Variants in RNF10 observed in about 807,000 individuals in gnomAD.
The protein encoded by RNF10 is E3 ubiquitin-protein ligase RNF10.
In RNF10, 38 loss-of-function variants were observed where a neutral mutation model predicts 91.4. That is an observed-to-expected ratio of 0.42 (90% CI 0.32 to 0.54). The LOEUF (loss-of-function observed/expected upper bound fraction) is 0.54. RNF10 is among the 20% of genes least tolerant of loss of function. The probability of loss-of-function intolerance (pLI) is 0.16; values close to 1 mark genes in which losing one functional copy is unlikely to be tolerated. For missense variants in RNF10, 945 were observed against 1,012.0 expected, an observed-to-expected ratio of 0.93 and a Z score of 0.90; for synonymous variants, 364 against 366.3, an observed-to-expected ratio of 0.99 and a Z score of 0.07.
At chr12:120,561,323 C>T (rs534835196) in intron 7 of RNF10, among the ~76,000 whole-genome samples, 21 of 152,244 alleles carry the variant, frequency 1.4e-4, no homozygotes, top group South Asian at 4.1e-4. Flanking sequence ...GTACCTGAAA[C>T]GGCAAGAATT....
chr12:120,537,836 T>G (rs1391005710), intron 1 of RNF10, among the ~76,000 whole-genome samples: 1 of 152,160 alleles, frequency 6.6e-6, no homozygotes, highest in East Asian at 1.9e-4. Flanking sequence ...AATCCACTGC[T>G]TGCATTTAGG....
intron 7 of RNF10, among the ~76,000 whole-genome samples, chr12:120,562,645 A>G (rs539790463): frequency 1.3e-5 from 2 of 152,080 alleles, no homozygotes; most frequent in Non-Finnish European, 2.9e-5. Flanking sequence ...GCTGGGTGAA[A>G]TTTTATTTCT....
rs750877950 is a variant in RNF10 at position 120,560,762 on chromosome 12, C to T, written c.1004C>T (p.Ala335Val). Residue 335 changes from alanine (A) to valine (V), a missense_variant, in exon 7 of 17, where the codon GCC (alanine) becomes GTC (valine). Physicochemically the swap from Ala to Val is moderately conservative, Grantham distance 64. Transcript: ENST00000325954. ...AGCCAGTACTCCAAGTTGCTGCTGGCCTCTAAGGAGCAGGTGCTGCACCGG... is the reference window on the plus strand; with the variant it reads ...AGCCAGTACTCCAAGTTGCTGCTGGTCTCTAAGGAGCAGGTGCTGCACCGG... ...QHSQYSKLLL[A>V]SKEQVLHRVV... 1.2e-6 allele frequency: 2 copies of T among 1,613,950 alleles called. No individual in the cohort carries two copies. The highest frequency in any genetic ancestry group is 1.7e-6 in the Non-Finnish European group (2 of 1,179,976).
chr12:120,541,892 A>C (rs1368291326), intron 1 of RNF10, among the ~76,000 whole-genome samples: 2 of 149,092 alleles, frequency 1.3e-5, no homozygotes, highest in African/African-American at 2.5e-5. Flanking sequence ...TTTGAGATGG[A>C]GTCTCACTGT....
intron 2 of RNF10, 50 bp from the exon 3 acceptor site, chr12:120,552,449 A>T: frequency 6.6e-7 from 1 of 1,510,372 alleles, no homozygotes; most frequent in Admixed American, 1.9e-5. Flanking sequence ...TTCTGCTATA[A>T]ATCAGTGTCA....
intron 4 of RNF10, among the ~76,000 whole-genome samples, 191 bp from the exon 5 acceptor site, chr12:120,557,085 CAAAAAA>C (rs36018229): frequency 9.0e-6 from 1 of 111,370 alleles, no homozygotes; most frequent in Non-Finnish European, 1.8e-5. Context: ...TGGACCGTCT[CAAAAAA>C]AAAAAAAAAA....
intron 13 of RNF10, among the ~76,000 whole-genome samples, chr12:120,567,619 T>C (rs1167597363): frequency 6.6e-6 from 1 of 151,446 alleles, no homozygotes; most frequent in Non-Finnish European, 1.5e-5. Flanking sequence ...CAGAATTGCT[T>C]GAACCTGGGA....
chr12:120,544,344 A>AC (rs1187403921), intron 1 of RNF10, among the ~76,000 whole-genome samples: 2 of 120,640 alleles, frequency 1.7e-5, no homozygotes, highest in Admixed American at 9.5e-5. Flanking sequence ...ACAAAGTGAG[A>AC]CCCCAACTCT....
chr12:120,558,306 A>G (rs1219169983), intron 6 of RNF10, among the ~76,000 whole-genome samples: 2 of 152,108 alleles, frequency 1.3e-5, no homozygotes, highest in Non-Finnish European at 2.9e-5. Flanking sequence ...ATATAGGACA[A>G]TTTCTTTATA....
chr12:120,565,773 T>C (rs1875595312), intron 12 of RNF10, among the ~76,000 whole-genome samples: 1 of 152,254 alleles, frequency 6.6e-6, no homozygotes, highest in Admixed American at 6.5e-5. Flanking sequence ...GATATACACC[T>C]GTTCCAGAGA....
chr12:120,562,320 G>T (rs1874994656), intron 7 of RNF10, among the ~76,000 whole-genome samples: 1 of 135,456 alleles, frequency 7.4e-6, no homozygotes, highest in Non-Finnish European at 1.5e-5. Flanking sequence ...CGTTGCCCAG[G>T]CTGGAGTGCA....
intron 2 of RNF10, among the ~76,000 whole-genome samples, chr12:120,549,679 G>C (rs964318898): frequency 6.6e-6 from 1 of 152,116 alleles, no homozygotes; most frequent in African/African-American, 2.4e-5. Flanking sequence ...CAGTTACTTG[G>C]GAGGCTGAGG....
At chr12:120,538,740 G>A (rs966654798) in intron 1 of RNF10, among the ~76,000 whole-genome samples, 5 of 152,186 alleles carry the variant, frequency 3.3e-5, no homozygotes, top group Non-Finnish European at 5.9e-5. Context: ...CCCCTGGGCC[G>A]ATAGAACTGC....
chr12:120,550,842 C>T (rs577808125), intron 2 of RNF10, among the ~76,000 whole-genome samples: 9 of 152,052 alleles, frequency 5.9e-5, no homozygotes, highest in East Asian at 5.8e-4. Flanking sequence ...GTGATCCGCC[C>T]GCCTCAGCCT....
intron 1 of RNF10, among the ~76,000 whole-genome samples, chr12:120,541,433 T>G (rs1242697635): frequency 7.8e-6 from 1 of 127,464 alleles, no homozygotes; most frequent in Non-Finnish European, 1.7e-5. Flanking sequence ...TCCCCTGAGT[T>G]TTCCTTTTTT....
chr12:120,547,120 G>A (rs1284909448), intron 2 of RNF10, among the ~76,000 whole-genome samples: 3 of 152,034 alleles, frequency 2.0e-5, no homozygotes, highest in African/African-American at 4.8e-5. Context: ...AGTAAATTAC[G>A]TTTCATACCA....
At chr12:120,543,966 G>C (rs1871930748) in intron 1 of RNF10, among the ~76,000 whole-genome samples, 1 of 152,180 alleles carries the variant, frequency 6.6e-6, no homozygotes, top group Admixed American at 6.5e-5. Context: ...GGTGGCTCAT[G>C]CCTGTAATCC....
rs763843029 is a variant in RNF10 at position 120,557,284 on chromosome 12, C to G, written c.648C>G (p.Arg216=). Residue 216 remains arginine, a splice_region_variant and synonymous_variant, in exon 5 of 17, where the codon CGC becomes CGG. Coordinates refer to ENST00000325954, the MANE Select transcript of RNF10 (RefSeq NM_014868.5). ...CTTCTGGTGGCATTTTGTTTCAGCG[C>G]ATTTGTAGCCATGAAGTGCCATCTT... The part of the protein sequence containing the change: ...LVNWDFVEQV[R]ICSHEVPSCP... 1 of 1,613,760 alleles carries G rather than the reference C, an allele frequency of 6.2e-7. No homozygotes were observed. The highest frequency in any genetic ancestry group is 1.1e-5 in the South Asian group (1 of 91,052).
intron 13 of RNF10, among the ~76,000 whole-genome samples, chr12:120,569,315 G>A (rs570773925): frequency 3.0e-4 from 46 of 151,832 alleles, no homozygotes; most frequent in African/African-American, 1.0e-3. Context: ...TTAACAAAGT[G>A]TCCATCATTG....
Sources: allele counts gnomAD v4.1 joint callset (sites outside exome capture counted in the v4.1 genomes callset), GRCh38; gene constraint gnomAD v4.1.1; transcripts MANE v1.5; gene names NCBI Gene and HGNC (gene_info 2026-07-23, HGNC 2026-07-21).